Variants in UROC1 observed in about 807,000 individuals in gnomAD.
UROC1 encodes the protein urocanate hydratase.
A neutral mutation model predicts 89.5 loss-of-function variants in UROC1; 79 were observed. That is an observed-to-expected ratio of 0.88 (90% confidence interval 0.74 to 1.06). UROC1 has a LOEUF of 1.06. UROC1 is among the 50% of genes least tolerant of loss of function. The pLI is 0.00. For synonymous variants in UROC1, 361 were observed against 354.8 expected, an observed-to-expected ratio of 1.02 and a Z score of -0.20; for missense variants, 885 against 907.8, an observed-to-expected ratio of 0.97 and a Z score of 0.32.
Position 126,507,984 on chromosome 3 carries a change from C to T in UROC1, c.523G>A (p.Val175Ile), listed in dbSNP as rs755334697. The T allele has an allele frequency of 1.6e-5, 26 of 1,613,732 alleles. No homozygotes were observed. The East Asian group carries it at 2.0e-4, about 12-fold the overall frequency. Residue 175 changes from valine to isoleucine, a missense_variant, in exon 5 of 20, where the codon GTC becomes ATC. Transcript: ENST00000290868. ...GGACCCACCATCCCATTGGTGATGA[C>T]GAGCCGTGGGGCACTGCGGCTGCTG... The part of the protein sequence containing the change: ...FPSSRSAPRL[V>I]ITNGMVIPNY...
In UROC1 at chr3:126,483,453, G is replaced by C. The variant is rs138856930; in HGVS notation, c.1806C>G (p.Asn602Lys). Residue 602 changes from asparagine to lysine, a missense_variant, in exon 19 of 20, where the codon AAC becomes AAG. Transcript: ENST00000290868. ...GGGVGWGEVI[N>K]GGFGLVLDGT... Reference sequence around the variant, plus strand: ...CGTCCAGCACGAGGCCGAATCCCCCGTTGATCACCTCACCCCTGCAGGAGG... The same window carrying C: ...CGTCCAGCACGAGGCCGAATCCCCCCTTGATCACCTCACCCCTGCAGGAGG... 5.6e-6 allele frequency: 9 copies of C among 1,613,776 alleles called. No individual in the cohort carries two copies.
chr3:126,502,001 C>T (rs1400319182), intron 9 of UROC1: 10 of 1,505,850 alleles, frequency 6.6e-6, no homozygotes, highest in Admixed American at 4.4e-5. Flanking sequence ...TTCCTCAGCT[C>T]GGGGGTTGCG....
At chr3:126,484,473 A>T (rs1935467379) in intron 18 of UROC1, among the ~76,000 whole-genome samples, 1 of 152,202 alleles carries the variant, frequency 6.6e-6, no homozygotes, top group African/African-American at 2.4e-5. Flanking sequence ...CACTTGCAGT[A>T]TATCTGTTCC....
chr3:126,491,562 G>A (rs923749811), intron 16 of UROC1, among the ~76,000 whole-genome samples: 19 of 152,212 alleles, frequency 1.2e-4, no homozygotes, highest in Admixed American at 7.2e-4. Context: ...CTTTGCTGCC[G>A]GTGCCAGCCC....
intron 9 of UROC1, among the ~76,000 whole-genome samples, chr3:126,502,642 G>A (rs1301231159): frequency 1.3e-5 from 2 of 151,458 alleles, no homozygotes; most frequent in Non-Finnish European, 2.9e-5. Context: ...GTGTGTGCAT[G>A]TGTGCACTCT....
chr3:126,508,507 G>A (rs1218787465), intron 3 of UROC1, 32 bp from the exon 4 acceptor site: 1 of 1,587,842 alleles, frequency 6.3e-7, no homozygotes, highest in Non-Finnish European at 8.6e-7. Context: ...CTGAGATGAG[G>A]GCCTGGGAAG....
intron 18 of UROC1, among the ~76,000 whole-genome samples, chr3:126,487,793 T>C (rs1435562773): frequency 6.6e-6 from 1 of 152,182 alleles, no homozygotes; most frequent in Non-Finnish European, 1.5e-5. Flanking sequence ...TGGCTGGGTT[T>C]TGCACTCTCA....
Position 126,507,764 on chromosome 3 carries a change from G to C in UROC1, c.580C>G (p.Leu194Val). Residue 194 changes from leucine to valine, a missense_variant, in exon 6 of 20, where the codon CTC becomes GTC. Transcript: ENST00000290868. ...NYSSRTEYEK[L>V]FALGVTMYGQ... ...TACATTGTAACCCCCAAGGCAAAGA[G>C]CTTCTCATACTCCGTCCGGGAGGAG... 6.2e-7 allele frequency: 1 copy of C among 1,614,188 alleles called. No individual in the cohort carries two copies. The highest frequency in any genetic ancestry group is 1.1e-5 in the South Asian group (1 of 91,080).
chr3:126,488,258 A>G lies in UROC1; in HGVS notation c.1730T>C (p.Val577Ala), dbSNP rs1171247652. The G allele has an allele frequency of 6.2e-7, 1 of 1,614,194 alleles. No individual in the cohort carries two copies. Among genetic ancestry groups the G allele is most frequent in the South Asian group, 1.1e-5 (1 of 91,088 alleles). The change falls in exon 18 of 20, where the codon GTG becomes GCG. Residue 577 changes from valine (V) to alanine (A), a missense_variant. Transcript: ENST00000290868. Reference protein sequence around the residue: ...FCADMAVQNFVGDACRGATWV... With the variant: ...FCADMAVQNFAGDACRGATWV... Reference sequence around the variant, plus strand: ...GGTGGCTCCGCGACAGGCATCTCCCACGAAGTTCTGCACAGCCATGTCTGC... The same window carrying G: ...GGTGGCTCCGCGACAGGCATCTCCCGCGAAGTTCTGCACAGCCATGTCTGC...
intron 5 of UROC1, 47 bp downstream of exon 5, chr3:126,507,920 C>T (rs1936105990): frequency 2.5e-6 from 4 of 1,613,356 alleles, no homozygotes; most frequent in East Asian, 4.5e-5. Context: ...TCTGCACCCT[C>T]TCTTTGGAGC....
intron 18 of UROC1, among the ~76,000 whole-genome samples, chr3:126,487,946 G>A (rs1001956187): frequency 2.0e-5 from 3 of 152,212 alleles, no homozygotes; most frequent in Non-Finnish European, 4.4e-5. Flanking sequence ...TTCTTGCAGA[G>A]CCTAAGAGGC....
At chr3:126,495,474 C>T (rs909478036) in intron 15 of UROC1, among the ~76,000 whole-genome samples, 2 of 152,198 alleles carry the variant, frequency 1.3e-5, no homozygotes, top group Non-Finnish European at 2.9e-5. Context: ...TCACGTGTGT[C>T]AGCACTCCCT....
rs369921888 is a variant in UROC1, at chr3:126,505,806, G to A, written c.708C>T (p.Ile236=). 127 of 1,613,748 alleles carry A rather than the reference G, an allele frequency of 7.9e-5. No homozygotes were observed. The highest frequency in any genetic ancestry group is 2.0e-4 in the Admixed American group (12 of 60,010). ...CAAAGACCTTCCCAGCCAAGTCCTC[G>A]ATGCCCAGGTACCGACGTGCAGCAT... ...VLNAARRYLG[I]EDLAGKVFVT... is the part of the protein sequence containing the mutation. The change falls in exon 8 of 20, where the codon ATC becomes ATT. Residue 236 remains isoleucine, a synonymous_variant. Coordinates refer to ENST00000290868, the MANE Select transcript of UROC1 (RefSeq NM_144639.3).
intron 1 of UROC1, among the ~76,000 whole-genome samples, chr3:126,516,784 C>A (rs887956757): frequency 1.4e-5 from 2 of 144,542 alleles, no homozygotes; most frequent in Non-Finnish European, 3.0e-5. Flanking sequence ...TCCTGTTAGG[C>A]CTCTGTGGGT....
chr3:126,498,788 C>A (rs1298295786), intron 13 of UROC1, among the ~76,000 whole-genome samples: 3 of 152,182 alleles, frequency 2.0e-5, no homozygotes, highest in Non-Finnish European at 4.4e-5. Flanking sequence ...CATGTGGCAC[C>A]CACTGAGGAC....
chr3:126,482,303 G>A lies in UROC1; in HGVS notation c.*42C>T, dbSNP rs373221792. ...TGCCATGGCTGGGCAGGTGAGGATCGCCAGGGAGGAAGGGAGGCAGGGGCC... is the reference window on the plus strand; with the variant it reads ...TGCCATGGCTGGGCAGGTGAGGATCACCAGGGAGGAAGGGAGGCAGGGGCC... On this transcript the variant is annotated 3_prime_UTR_variant, in exon 20 of 20. Coordinates refer to ENST00000290868, the MANE Select transcript of UROC1 (RefSeq NM_144639.3). 52 of 1,607,898 alleles carry A rather than the reference G, an allele frequency of 3.2e-5. No homozygotes were observed. The highest frequency in any genetic ancestry group is 2.7e-4 in the African/African-American group (20 of 74,842).
chr3:126,492,683 T>A (rs891899897), intron 15 of UROC1, among the ~76,000 whole-genome samples, 167 bp from the exon 16 acceptor site: 3 of 152,074 alleles, frequency 2.0e-5, no homozygotes, highest in African/African-American at 7.2e-5. Flanking sequence ...AGCTCTCAAA[T>A]CTGTGGCCTG....
At chr3:126,504,620 A>G (rs1236729999) in intron 8 of UROC1, among the ~76,000 whole-genome samples, 1 of 152,194 alleles carries the variant, frequency 6.6e-6, no homozygotes, top group East Asian at 1.9e-4. Flanking sequence ...GTTACGTGAG[A>G]AAAATAAAAC....
intron 14 of UROC1, among the ~76,000 whole-genome samples, chr3:126,497,734 G>C (rs750716871): frequency 8.5e-5 from 13 of 152,226 alleles, no homozygotes; most frequent in Non-Finnish European, 1.8e-4. Flanking sequence ...GCTTTGAGGG[G>C]CTTTCTGTCA....
Sources: gnomAD v4.1 joint callset for allele counts (sites outside exome capture counted in the v4.1 genomes callset) on GRCh38, gnomAD v4.1.1 for gene constraint, MANE v1.5 for transcripts, NCBI Gene and HGNC (gene_info 2026-07-23, HGNC 2026-07-21) for gene names.